The following BCL2L14 variants were observed in gnomAD, a reference collection of about 807,000 sequenced individuals.
BCL2L14 encodes apoptosis facilitator Bcl-2-like protein 14.
In BCL2L14, 27 loss-of-function variants were observed where a neutral mutation model predicts 35.3. The observed-to-expected ratio is 0.76, with a 90% CI of 0.56 to 1.05. BCL2L14 has a LOEUF of 1.05. Ranked by LOEUF, BCL2L14 falls within the 50% of genes least tolerant of loss-of-function variation. The pLI is 0.00. For missense variants in BCL2L14, 377 were observed against 382.6 expected, an observed-to-expected ratio of 0.99 and a Z score of 0.12; for synonymous variants, 139 against 145.9, an observed-to-expected ratio of 0.95 and a Z score of 0.34.
At chr12:12,088,745 A>G (rs1363240488) in intron 3 of BCL2L14, among the ~76,000 whole-genome samples, 2 of 152,108 alleles carry the variant, frequency 1.3e-5, no homozygotes, top group Non-Finnish European at 1.5e-5. Flanking sequence ...GAACAAGGTG[A>G]AGGTTCTCCC....
intron 4 of BCL2L14, among the ~76,000 whole-genome samples, chr12:12,093,948 T>A (rs553606189): frequency 8.2e-5 from 12 of 147,134 alleles, no homozygotes; most frequent in African/African-American, 2.8e-4. Flanking sequence ...TACAAAAAAA[T>A]AGAAAAAAAT....
chr12:12,097,227 A>T (rs1242351669), intron 5 of BCL2L14, among the ~76,000 whole-genome samples: 1 of 152,264 alleles, frequency 6.6e-6, no homozygotes, highest in African/African-American at 2.4e-5. Flanking sequence ...ACATATTTTC[A>T]TACAAAAATT....
chr12:12,092,671 C>G (rs535241282), intron 4 of BCL2L14, among the ~76,000 whole-genome samples: 14 of 152,292 alleles, frequency 9.2e-5, no homozygotes, highest in Middle Eastern at 3.4e-3. Context: ...TGGCTGCCTG[C>G]TAGGGTTTTG....
At chr12:12,091,954 T>C (rs1612841) in intron 4 of BCL2L14, among the ~76,000 whole-genome samples, 46,326 of 152,092 alleles carry the variant, frequency 0.3, 7,166 homozygotes, top group East Asian at 0.4. Flanking sequence ...AGAATAGGCA[T>C]TCCAGGCTGC....
Position 12,099,456 on chromosome 12 carries a change from A to C in BCL2L14, c.*468A>C, listed in dbSNP as rs1359150756. ...GAAGATGTTGCTATTCACGTTAGTA[A>C]ACAGCCTAAAGAAACTCTTAGGTTT... is the stretch of plus-strand genomic sequence containing the variant. On this transcript the variant is annotated 3_prime_UTR_variant, in exon 6 of 6. Coordinates refer to ENST00000308721, the MANE Select transcript of BCL2L14 (RefSeq NM_138723.2). The C allele has an allele frequency of 6.4e-6, 1 of 155,650 alleles. No individual in the cohort carries two copies. The highest frequency in any genetic ancestry group is 1.4e-5 in the Non-Finnish European group (1 of 70,642). 9.6% of individuals were successfully genotyped at this position (155,650 alleles called of 1,614,324 possible). A position where few individuals can be genotyped will look rare whatever the true frequency, so the allele number is the denominator to read the frequency against.
At chr12:12,052,628 G>T (rs188449867) in intron 2 of BCL2L14, among the ~76,000 whole-genome samples, 10 of 152,218 alleles carry the variant, frequency 6.6e-5, no homozygotes, top group Non-Finnish European at 7.4e-5. Flanking sequence ...TCTGTTGATG[G>T]ACACCTAGAT....
At chr12:12,085,117 TAC>T (rs942923133) in intron 2 of BCL2L14, among the ~76,000 whole-genome samples, 1 of 149,050 alleles carries the variant, frequency 6.7e-6, no homozygotes, top group African/African-American at 2.5e-5. Context: ...CAATACCCTG[TAC>T]ACAGTTAGCC....
intron 2 of BCL2L14, among the ~76,000 whole-genome samples, chr12:12,062,100 T>C (rs565178330): frequency 0.013 from 1,916 of 152,098 alleles, 12 homozygotes; most frequent in African/African-American, 0.032. Context: ...ACTTACTCTC[T>C]ACATTTCTCA....
intron 1 of BCL2L14, among the ~76,000 whole-genome samples, chr12:12,076,848 C>T (rs1030969759): frequency 2.6e-5 from 4 of 152,122 alleles, no homozygotes; most frequent in African/African-American, 9.7e-5. Context: ...TATTTCAGCT[C>T]CTACACCTCC....
In BCL2L14 at chr12:12,062,354, A is replaced by C. The variant is rs1313914114; in HGVS notation, c.-272+10507A>C. Among the ~76,000 whole-genome samples the C allele has an allele frequency of 3.0e-3, 429 of 145,314 alleles. 13 individuals are homozygous for C. Among genetic ancestry groups the C allele is most frequent in the African/African-American group, 0.011 (408 of 36,890 alleles). ...TTCTTTCCTGTTCCTCACCCTGATC[A>C]CGCTTGATTTATTGATGGCGGTTCC... On this transcript the variant is annotated intron_variant, in intron 2 of 3. Coordinates refer to the BCL2L14 transcript ENST00000461264.
upstream of BCL2L14, among the ~76,000 whole-genome samples, chr12:12,070,632 G>C (rs546048237): frequency 6.6e-6 from 1 of 151,144 alleles, no homozygotes; most frequent in Non-Finnish European, 1.5e-5. Flanking sequence ...CGCCAAGATC[G>C]CACCACTGCA....
At chr12:12,053,813 A>G (rs1948393001) in intron 2 of BCL2L14, among the ~76,000 whole-genome samples, 1 of 152,176 alleles carries the variant, frequency 6.6e-6, no homozygotes, top group South Asian at 2.1e-4. Context: ...GGAGCTGACA[A>G]TCACCTAAAA....
chr12:12,062,305 C>T (rs55829149), intron 2 of BCL2L14, among the ~76,000 whole-genome samples: 127,604 of 137,648 alleles, frequency 0.93, 59,266 homozygotes, highest in East Asian at 1. Context: ...CCACCTGACA[C>T]TCACCCCATT....
chr12:12,081,712 C>T (rs964790728), intron 2 of BCL2L14, among the ~76,000 whole-genome samples: 1 of 152,038 alleles, frequency 6.6e-6, no homozygotes, highest in Non-Finnish European at 1.5e-5. Flanking sequence ...GCGCGCACCA[C>T]CAGGCCTGGC....
intron 1 of BCL2L14, among the ~76,000 whole-genome samples, chr12:12,077,537 CAAAA>C (rs58644458): frequency 8.8e-6 from 1 of 113,126 alleles, no homozygotes. Context: ...AACTGAGTCT[CAAAA>C]AAAAAAAAAA....
chr12:12,070,313 G>A (rs1416163871), upstream of BCL2L14, among the ~76,000 whole-genome samples: 1 of 152,226 alleles, frequency 6.6e-6, no homozygotes, highest in African/African-American at 2.4e-5. Context: ...TCCGTAGCAA[G>A]ATACTTCACC....
chr12:12,083,541 T>G (rs1478419454), intron 2 of BCL2L14, among the ~76,000 whole-genome samples: 1 of 152,220 alleles, frequency 6.6e-6, no homozygotes, highest in East Asian at 1.9e-4. Context: ...AGTGGAACAC[T>G]CAAATACCCA....
At position 12,097,789 on chromosome 12, in the gene BCL2L14, G is replaced by GA. The variant is rs201168530; in HGVS notation, c.946-1153dup. Among the ~76,000 whole-genome samples the GA allele has an allele frequency of 2.5e-3, 362 of 146,026 alleles. 2 individuals are homozygous for GA. Among genetic ancestry groups the GA allele is most frequent in the African/African-American group, 7.9e-3 (315 of 39,738 alleles). On this transcript the variant is annotated intron_variant, in intron 5 of 5. Transcript: ENST00000308721. Reference sequence around the variant, plus strand: ...TTTTAATTTGGCTGCTGGTACTGGAGAAAAAAAACAGTTCCAATTAGAAAA... The same window carrying GA: ...TTTTAATTTGGCTGCTGGTACTGGAGAAAAAAAAACAGTTCCAATTAGAAAA...
At chr12:12,084,963 A>G (rs1175744834) in intron 2 of BCL2L14, among the ~76,000 whole-genome samples, 2 of 151,712 alleles carry the variant, frequency 1.3e-5, no homozygotes, top group Admixed American at 1.3e-4. Flanking sequence ...ACGTCCTGTA[A>G]TCCCAGCTAC....
Sources: allele counts gnomAD v4.1 joint callset (sites outside exome capture counted in the v4.1 genomes callset), GRCh38; gene constraint gnomAD v4.1.1; transcripts MANE v1.5; gene names NCBI Gene and HGNC (gene_info 2026-07-23, HGNC 2026-07-21).